LVRN: variants seen among roughly 807,000 people sequenced by gnomAD.
LVRN encodes the protein aminopeptidase Q.
LVRN carries 99 observed loss-of-function variants against 111.4 expected under a neutral mutation model. The ratio of observed to expected loss-of-function variants is 0.89; its 90% CI spans 0.76 to 1.05. LVRN has a LOEUF of 1.05. Ranked by LOEUF, LVRN falls within the 50% of genes least tolerant of loss-of-function variation. The pLI is 0.00. For missense variants in LVRN, 1,414 were observed against 1,206.8 expected (o/e 1.17, Z -2.54); for synonymous variants, 488 against 449.5 (o/e 1.09, Z -1.08).
chr5:116,014,061 T>A (rs1748546160), intron 15 of LVRN, among the ~76,000 whole-genome samples: 1 of 152,036 alleles, frequency 6.6e-6, no homozygotes, highest in Non-Finnish European at 1.5e-5. Context: ...TCTGAAATCA[T>A]TTTTTATCCA....
chr5:115,974,953 A>G (rs748994068), intron 1 of LVRN: 4 of 439,820 alleles, frequency 9.1e-6, no homozygotes, highest in Non-Finnish European at 1.4e-5. Flanking sequence ...AATGATCTGC[A>G]ACTGCCTTTT....
In LVRN at chr5:115,993,793, A is replaced by G; in HGVS notation, c.1313A>G (p.Glu438Gly). The change falls in exon 6 of 20, where the codon GAG becomes GGG. Residue 438 changes from glutamate (E) to glycine (G), a missense_variant. Transcript: ENST00000357872. Reference sequence around the variant, plus strand: ...TGGTGGAACAATATCTGGCTCAACGAGGGTTTTGCATCTTATTTTGAGTTT... The same window carrying G: ...TGGTGGAACAATATCTGGCTCAACGGGGGTTTTGCATCTTATTTTGAGTTT... ...MNWWNNIWLN[E>G]GFASYFEFEV... The G allele has an allele frequency of 1.2e-6, 2 of 1,611,194 alleles. No individual in the cohort carries two copies. The highest frequency in any genetic ancestry group is 1.7e-6 in the Non-Finnish European group (2 of 1,179,088).
At chr5:116,014,066 T>C (rs1024859006) in intron 15 of LVRN, among the ~76,000 whole-genome samples, 2 of 152,212 alleles carry the variant, frequency 1.3e-5, no homozygotes, top group Non-Finnish European at 2.9e-5. Flanking sequence ...AATCATTTTT[T>C]ATCCATAAGG....
At position 116,000,446 on chromosome 5, in the gene LVRN, C is replaced by A; in HGVS notation, c.1529C>A (p.Ala510Asp). 2 of 1,614,112 alleles carry A rather than the reference C, an allele frequency of 1.2e-6. No homozygotes were observed. The highest frequency in any genetic ancestry group is 1.7e-6 in the Non-Finnish European group (2 of 1,180,004). Residue 510 changes from alanine (A) to aspartate (D), a missense_variant, in exon 8 of 20, where the codon GCC (alanine) becomes GAC (aspartate). Coordinates refer to ENST00000357872, the MANE Select transcript of LVRN (RefSeq NM_173800.5). The part of the protein sequence containing the change: ...IFTYSKGASM[A>D]RMLSCFLNEH... ...CTTTTGTCCTAGGGAGCGTCTATGG[C>A]CCGGATGCTTTCTTGTTTCTTGAAT... is the stretch of plus-strand genomic sequence containing the variant.
At chr5:116,010,935 C>T (rs75884633) in intron 14 of LVRN, 41 bp downstream of exon 14, 81,765 of 1,454,822 alleles carry the variant, frequency 0.056, 3,662 homozygotes, top group East Asian at 0.25. Flanking sequence ...AATAAATCCT[C>T]TCTTCTTCTT....
At chr5:115,969,869 C>T (rs1029889627) in intron 1 of LVRN, among the ~76,000 whole-genome samples, 2 of 150,966 alleles carry the variant, frequency 1.3e-5, no homozygotes, top group South Asian at 2.1e-4. Context: ...TCTTTCATAC[C>T]ATTCTTCGTA....
In LVRN at chr5:115,963,098, C is replaced by A; in HGVS notation, c.481C>A (p.Pro161Thr). The A allele has an allele frequency of 1.9e-6, 3 of 1,613,622 alleles. No homozygotes were observed. The highest frequency in any genetic ancestry group is 2.5e-6 in the Non-Finnish European group (3 of 1,179,956). ...CTGCGAGCGCGCCGAGGTGCGGGGA[C>A]CCCTTTCCCCGGGCACTGGGAACGC... Reference protein sequence around the residue: ...QDCERAEVRGPLSPGTGNATV... With the variant: ...QDCERAEVRGTLSPGTGNATV... Residue 161 changes from proline (P) to threonine (T), a missense_variant, in exon 1 of 20, where the codon CCC (proline) becomes ACC (threonine). Physicochemically the swap from Pro to Thr is conservative, Grantham distance 38. Transcript: ENST00000357872.
chr5:116,007,800 T>C (rs752719826), intron 13 of LVRN, among the ~76,000 whole-genome samples: 2 of 152,248 alleles, frequency 1.3e-5, no homozygotes, highest in African/African-American at 4.8e-5. Context: ...GCTCATGTTA[T>C]GTCTCTGGGT....
At chr5:116,008,864 A>G (rs73263174) in intron 13 of LVRN, among the ~76,000 whole-genome samples, 1,637 of 152,330 alleles carry the variant, frequency 0.011, 32 homozygotes, top group African/African-American at 0.035. Context: ...TGAAACAGCA[A>G]ATGTTGATGT....
intron 1 of LVRN, chr5:115,975,920 CT>C: frequency 6.1e-6 from 1 of 164,170 alleles, no homozygotes; most frequent in South Asian, 2.0e-4. Flanking sequence ...TCTATTACTA[CT>C]TTTGCTTTTG....
chr5:115,997,805 T>C (rs1393810469), intron 6 of LVRN, among the ~76,000 whole-genome samples: 1 of 152,192 alleles, frequency 6.6e-6, no homozygotes, highest in Admixed American at 6.5e-5. Context: ...ACATCATGTT[T>C]TATGTAGTGT....
chr5:115,981,376 G>A (rs1216920516), intron 1 of LVRN, among the ~76,000 whole-genome samples: 2 of 152,068 alleles, frequency 1.3e-5, no homozygotes, highest in Non-Finnish European at 2.9e-5. Flanking sequence ...AAATTTACCA[G>A]GGCGACGAAT....
chr5:116,000,723 G>A (rs946947422), intron 9 of LVRN, 65 bp downstream of exon 9: 12 of 1,540,998 alleles, frequency 7.8e-6, no homozygotes, highest in African/African-American at 1.4e-5. Flanking sequence ...AAAAGACTGG[G>A]AGGCCATGGG....
rs1451360264 is a variant in LVRN, at chr5:115,962,887, G to C, written c.270G>C (p.Pro90=). The C allele has an allele frequency of 6.2e-7, 1 of 1,612,912 alleles. No homozygotes were observed. The highest frequency in any genetic ancestry group is 1.3e-5 in the African/African-American group (1 of 74,864). ...CCACCCCGAGCAACTGGCGACCCCC[G>C]GGGCCCTGGGACCAGCTACGCCTGC... ...VTTTPSNWRP[P]GPWDQLRLPP... is the part of the protein sequence containing the mutation. The change falls in exon 1 of 20, where the codon CCG becomes CCC. Residue 90 remains proline (P), a synonymous_variant. Transcript: ENST00000357872.
chr5:115,971,592 T>C (rs1302573783), intron 1 of LVRN, among the ~76,000 whole-genome samples: 2 of 152,112 alleles, frequency 1.3e-5, no homozygotes, highest in African/African-American at 4.8e-5. Flanking sequence ...TACTGAATTG[T>C]GTCTGCACTT....
chr5:116,011,337 A>G (rs1020570333), intron 14 of LVRN, among the ~76,000 whole-genome samples: 1 of 152,170 alleles, frequency 6.6e-6, no homozygotes, highest in Non-Finnish European at 1.5e-5. Context: ...CCAGAGAGAT[A>G]TATTCCAGAA....
chr5:116,013,351 G>A (rs951054507), intron 15 of LVRN, among the ~76,000 whole-genome samples: 1 of 152,176 alleles, frequency 6.6e-6, no homozygotes, highest in East Asian at 1.9e-4. Flanking sequence ...CAATCTGTAT[G>A]AATGAGTGGG....
chr5:116,007,677 G>A (rs187389395), intron 13 of LVRN, among the ~76,000 whole-genome samples: 2 of 152,202 alleles, frequency 1.3e-5, no homozygotes, highest in South Asian at 2.1e-4. Context: ...GGCATACCTC[G>A]TTTTATTGTA....
intron 6 of LVRN, among the ~76,000 whole-genome samples, chr5:115,994,815 T>C (rs2112589368): frequency 6.6e-6 from 1 of 152,334 alleles, no homozygotes; most frequent in African/African-American, 2.4e-5. Flanking sequence ...AAAACCAAAT[T>C]GATTTGATTT....
Sources: gnomAD v4.1 joint callset for allele counts (sites outside exome capture counted in the v4.1 genomes callset) on GRCh38, gnomAD v4.1.1 for gene constraint, MANE v1.5 for transcripts, NCBI Gene and HGNC (gene_info 2026-07-23, HGNC 2026-07-21) for gene names.